Variants in LRP1B observed in about 807,000 individuals in gnomAD.
LRP1B encodes LDL receptor related protein 1B, also known as low-density lipoprotein receptor-related protein 1B.
Under a neutral mutation model 556.6 loss-of-function variants are expected in LRP1B, and 217 were observed. The observed-to-expected ratio is 0.39, with a 90% CI of 0.35 to 0.44. The LOEUF (loss-of-function observed/expected upper bound fraction) is 0.44, where lower values mean the gene tolerates loss of function less well. Ranked by LOEUF, LRP1B falls within the 20% of genes least tolerant of loss-of-function variation. LRP1B has a pLI of 1.00. For missense variants in LRP1B, 5,053 were observed against 5,620.8 expected (o/e 0.90, Z 3.23); for synonymous variants, 2,047 against 1,865.8 (o/e 1.10, Z -2.50).
chr2:141,038,524 T>A (rs965512787), intron 11 of LRP1B, among the ~76,000 whole-genome samples: 1 of 152,118 alleles, frequency 6.6e-6, no homozygotes, highest in African/African-American at 2.4e-5. Context: ...GTCACATTTT[T>A]AAACATACTG....
intron 57 of LRP1B, among the ~76,000 whole-genome samples, chr2:140,488,295 G>A (rs749358543): frequency 1.3e-5 from 2 of 151,988 alleles, no homozygotes; most frequent in Non-Finnish European, 2.9e-5. Flanking sequence ...ATGGCCCCTT[G>A]GCAATACAGT....
chr2:141,274,573 G>A (rs924306428), intron 3 of LRP1B, among the ~76,000 whole-genome samples: 5 of 152,062 alleles, frequency 3.3e-5, no homozygotes, highest in African/African-American at 4.8e-5. Flanking sequence ...AGGAGTGACT[G>A]CTAATGGATG....
At chr2:141,599,952 C>T (rs577027117) in intron 2 of LRP1B, among the ~76,000 whole-genome samples, 5 of 152,158 alleles carry the variant, frequency 3.3e-5, no homozygotes, top group South Asian at 2.1e-4. Context: ...ACTCCCTGCC[C>T]GCTCCACACA....
At chr2:141,170,167 C>T (rs1349599452) in intron 7 of LRP1B, among the ~76,000 whole-genome samples, 1 of 152,058 alleles carries the variant, frequency 6.6e-6, no homozygotes, top group African/African-American at 2.4e-5. Context: ...TTTGGGGCAA[C>T]CAAGCCACCA....
intron 6 of LRP1B, among the ~76,000 whole-genome samples, chr2:141,221,123 A>G (rs1683017825): frequency 1.3e-5 from 2 of 152,120 alleles, no homozygotes; most frequent in Admixed American, 6.5e-5. Flanking sequence ...GGATAAAAAG[A>G]AAAGACCCAT....
chr2:141,182,906 T>C (rs1381491867), intron 7 of LRP1B, among the ~76,000 whole-genome samples: 1 of 151,916 alleles, frequency 6.6e-6, no homozygotes, highest in African/African-American at 2.4e-5. Flanking sequence ...AAAATGTAAA[T>C]AAGCATTTTA....
At chr2:140,843,615 CTATT>C (rs1462611602) in intron 29 of LRP1B, among the ~76,000 whole-genome samples, 8 of 152,110 alleles carry the variant, frequency 5.3e-5, no homozygotes, top group Non-Finnish European at 1.2e-4. Flanking sequence ...TATAGGGAAA[CTATT>C]TAGATTTCAT....
At chr2:141,638,268 C>T (rs549400773) in intron 2 of LRP1B, among the ~76,000 whole-genome samples, 1 of 152,094 alleles carries the variant, frequency 6.6e-6, no homozygotes, top group Middle Eastern at 3.2e-3. Context: ...GTGCTGGCTC[C>T]CCTTTTGCCT....
chr2:140,252,490 A>G (rs1020040607), intron 86 of LRP1B, among the ~76,000 whole-genome samples: 2 of 152,050 alleles, frequency 1.3e-5, no homozygotes, highest in Non-Finnish European at 2.9e-5. Context: ...ACAGAAGCGG[A>G]ACTAATAAGT....
chr2:141,480,349 A>G (rs781315037), intron 3 of LRP1B, 47 bp downstream of exon 3: 1 of 1,603,786 alleles, frequency 6.2e-7, no homozygotes, highest in Non-Finnish European at 8.5e-7. Context: ...TTTCATTACT[A>G]TGTAAAATTT....
intron 7 of LRP1B, among the ~76,000 whole-genome samples, chr2:141,076,281 G>GTT (rs1699783867): frequency 6.6e-6 from 1 of 152,164 alleles, no homozygotes; most frequent in Non-Finnish European, 1.5e-5. Flanking sequence ...CTAGGCCAGG[G>GTT]TTTCTTGACC....
At chr2:140,280,076 T>C (rs1034223943) in intron 84 of LRP1B, among the ~76,000 whole-genome samples, 4 of 151,808 alleles carry the variant, frequency 2.6e-5, no homozygotes, top group African/African-American at 9.7e-5. Context: ...TTAGTGAATA[T>C]GGAGAAGTAG....
chr2:140,813,535 G>T, intron 32 of LRP1B, 122 bp downstream of exon 32: 1 of 786,594 alleles, frequency 1.3e-6, no homozygotes, highest in Non-Finnish European at 2.1e-6. Flanking sequence ...TCATAGAAGT[G>T]TTCAATTTGA....
chr2:141,508,135 T>C (rs62167897), intron 2 of LRP1B, among the ~76,000 whole-genome samples: 3,278 of 151,626 alleles, frequency 0.022, 98 homozygotes, highest in East Asian at 0.13. Flanking sequence ...ATAGCTCTAA[T>C]TGTCTTTGGA....
intron 36 of LRP1B, among the ~76,000 whole-genome samples, chr2:140,716,305 G>C (rs948876985): frequency 2.0e-5 from 3 of 151,880 alleles, no homozygotes; most frequent in African/African-American, 7.3e-5. Flanking sequence ...ACACACCTCT[G>C]GTTTAAACCA....
intron 66 of LRP1B, among the ~76,000 whole-genome samples, chr2:140,441,961 A>C (rs1349937008): frequency 2.6e-5 from 4 of 152,238 alleles, no homozygotes; most frequent in Admixed American, 6.5e-5. Flanking sequence ...AGAAATAATT[A>C]TTGTAAATAA....
At chr2:142,073,111 T>C (rs1392438898) in intron 1 of LRP1B, among the ~76,000 whole-genome samples, 1 of 152,042 alleles carries the variant, frequency 6.6e-6, no homozygotes, top group Non-Finnish European at 1.5e-5. Context: ...TAATTTACTA[T>C]TTCTATTATT....
intron 43 of LRP1B, among the ~76,000 whole-genome samples, chr2:140,582,264 AC>A (rs1681797984): frequency 6.6e-6 from 1 of 152,208 alleles, no homozygotes; most frequent in African/African-American, 2.4e-5. Context: ...CATGCCTCAT[AC>A]AGGAATTCTG....
chr2:141,387,919 CA>C, intron 3 of LRP1B, among the ~76,000 whole-genome samples: 1 of 151,916 alleles, frequency 6.6e-6, no homozygotes, highest in East Asian at 1.9e-4. Flanking sequence ...AACAGAAAAA[CA>C]AAAACAAAAC....
Sources: gnomAD v4.1 joint callset for allele counts (sites outside exome capture counted in the v4.1 genomes callset) on GRCh38, gnomAD v4.1.1 for gene constraint, MANE v1.5 for transcripts, NCBI Gene and HGNC (gene_info 2026-07-23, HGNC 2026-07-21) for gene names.